Variants in GPR137B observed in about 807,000 individuals in gnomAD.
The protein encoded by GPR137B is G protein-coupled receptor 137B, also known as integral membrane protein GPR137B.
Under a neutral mutation model 42.5 loss-of-function variants are expected in GPR137B, and 42 were observed. The ratio of observed to expected loss-of-function variants is 0.99; its 90% CI spans 0.77 to 1.28. The LOEUF (loss-of-function observed/expected upper bound fraction) is 1.28, where lower values mean the gene tolerates loss of function less well. Ranked by LOEUF, GPR137B falls within the 50% of genes most tolerant of loss-of-function variation. GPR137B has a pLI of 0.00. For missense variants in GPR137B, 487 were observed against 493.9 expected (o/e 0.99, Z 0.13); for synonymous variants, 218 against 209.7 (o/e 1.04, Z -0.34).
At position 236,143,035 on chromosome 1, in the gene GPR137B, A is replaced by G; in HGVS notation, c.413A>G (p.Gln138Arg). Residue 138 changes from glutamine (Q) to arginine (R), a missense_variant and splice_region_variant, in exon 1 of 7, where the codon CAG becomes CGG. Physicochemically the swap from Gln to Arg is conservative, Grantham distance 43. Coordinates refer to ENST00000366592, the MANE Select transcript of GPR137B (RefSeq NM_003272.4). ...ACGCTGATGAACTTGTACTTCACGC[A>G]GGTGAGTTTCAGAGAGGCTCCTGGA... ...TLTLMNLYFT[Q>R]VIFKAKSKYS... is the part of the protein sequence containing the mutation. The G allele has an allele frequency of 6.2e-7, 1 of 1,608,334 alleles. No homozygotes were observed. The highest frequency in any genetic ancestry group is 8.5e-7 in the Non-Finnish European group (1 of 1,177,338).
intron 2 of GPR137B, among the ~76,000 whole-genome samples, chr1:236,173,665 T>G (rs929818476): frequency 6.6e-6 from 1 of 152,116 alleles, no homozygotes; most frequent in Non-Finnish European, 1.5e-5. Flanking sequence ...TTTTATTTCT[T>G]TGGGTCATTT....
rs139249553 is a variant in GPR137B, at chr1:236,155,984, C to T, written c.415-12722C>T. Reference sequence around the variant, plus strand: ...ACGCACACACATGCACACACACGCGCGCGCGCAAACACACATGCATACACC... The same window carrying T: ...ACGCACACACATGCACACACACGCGTGCGCGCAAACACACATGCATACACC... On this transcript the variant is annotated intron_variant, in intron 1 of 6. Transcript: ENST00000366592. This position sits in a 1 kb window ranked among gnomAD's most constrained non-coding sequence, Gnocchi z 4.6. Among the ~76,000 whole-genome samples, 316 of 152,260 alleles carry T rather than the reference C, an allele frequency of 2.1e-3. 2 individuals carry two copies. The highest frequency in any genetic ancestry group is 7.1e-3 in the African/African-American group (294 of 41,550).
chr1:236,155,705 G>A lies in GPR137B; in HGVS notation c.414+12669G>A, dbSNP rs996545056. On this transcript the variant is annotated intron_variant, in intron 1 of 6. Coordinates refer to ENST00000366592, the MANE Select transcript of GPR137B (RefSeq NM_003272.4). The surrounding 1 kb of genome is among the most constrained non-coding windows in gnomAD (Gnocchi z 4.6). ...TCAGGGAGGCTCTCGTGAGCCGATG[G>A]AGGGGTGGAGGAGGGGAGAGGTGCT... Among the ~76,000 whole-genome samples, 13 of 152,226 alleles carry A rather than the reference G, an allele frequency of 8.5e-5. No homozygotes were observed. The highest frequency in any genetic ancestry group is 3.1e-4 in the African/African-American group (13 of 41,476).
chr1:236,194,481 A>G (rs976204731), intron 5 of GPR137B, among the ~76,000 whole-genome samples: 7 of 152,180 alleles, frequency 4.6e-5, no homozygotes, highest in Admixed American at 1.3e-4. Context: ...TTTGGCTGCA[A>G]TTAGTCTTAG....
intron 1 of GPR137B, among the ~76,000 whole-genome samples, chr1:236,157,370 C>G (rs1662062365): frequency 6.6e-6 from 1 of 152,126 alleles, no homozygotes; most frequent in African/African-American, 2.4e-5. Flanking sequence ...ACTACAGGCG[C>G]CCGCCACCAC....
At chr1:236,143,976 G>C (rs1361096106) in intron 1 of GPR137B, among the ~76,000 whole-genome samples, 1 of 152,150 alleles carries the variant, frequency 6.6e-6, no homozygotes, top group Non-Finnish European at 1.5e-5. Flanking sequence ...TTTTCACTAG[G>C]ACTCTGCCGA....
intron 1 of GPR137B, among the ~76,000 whole-genome samples, chr1:236,146,460 G>A (rs980290054): frequency 4.6e-5 from 7 of 152,114 alleles, no homozygotes; most frequent in Non-Finnish European, 7.3e-5. Flanking sequence ...TCCGAGATGG[G>A]GAGGAAGCTT....
At chr1:236,162,630 G>C (rs1458146720) in intron 1 of GPR137B, among the ~76,000 whole-genome samples, 1 of 152,238 alleles carries the variant, frequency 6.6e-6, no homozygotes, top group Admixed American at 6.5e-5. Flanking sequence ...AGCTGCTCCA[G>C]CCATGGCTGA....
intron 1 of GPR137B, among the ~76,000 whole-genome samples, chr1:236,146,694 G>A (rs1661691943): frequency 1.3e-5 from 2 of 152,194 alleles, no homozygotes; most frequent in South Asian, 2.1e-4. Context: ...AGGGTAATGC[G>A]ATCATGAGCA....
chr1:236,168,732 T>C lies in GPR137B; in HGVS notation c.441T>C (p.Tyr147=). ...TQVIFKAKSK[Y]SPELLKYRLP... ...TGATTTTCAAAGCCAAGTCAAAATATTCTCCAGAATTACTCAAATACCGGT... is the reference window on the plus strand; with the variant it reads ...TGATTTTCAAAGCCAAGTCAAAATACTCTCCAGAATTACTCAAATACCGGT... Residue 147 remains tyrosine, a synonymous_variant, in exon 2 of 7, where the codon TAT becomes TAC. Transcript: ENST00000366592. 3.1e-6 allele frequency: 5 copies of C among 1,612,116 alleles called. No individual in the cohort carries two copies. Among genetic ancestry groups the C allele is most frequent in the Non-Finnish European group, 3.4e-6 (4 of 1,178,142 alleles).
At chr1:236,149,610 A>G (rs1382654503) in intron 1 of GPR137B, among the ~76,000 whole-genome samples, 1 of 152,138 alleles carries the variant, frequency 6.6e-6, no homozygotes, top group East Asian at 1.9e-4. Flanking sequence ...TTTATCAAAT[A>G]CCTGTCGTGT....
At chr1:236,175,525 A>G (rs765114079) in intron 2 of GPR137B, among the ~76,000 whole-genome samples, 23 of 152,172 alleles carry the variant, frequency 1.5e-4, no homozygotes, top group Admixed American at 7.2e-4. Flanking sequence ...GTTTCCATCT[A>G]GCGCTCTTCA....
chr1:236,154,573 G>A (rs890608557), intron 1 of GPR137B, among the ~76,000 whole-genome samples: 2 of 151,338 alleles, frequency 1.3e-5, no homozygotes, highest in African/African-American at 4.9e-5. Context: ...GCTTCCCCTC[G>A]AGGAGGCCAG....
rs1037995793 is a variant in GPR137B, at chr1:236,178,334, C to A, written c.465-80C>A. ...TCACCTTTGGTGTGTCTGCTTCTAG[C>A]AGTTCACCAAAACACATCTCAGTGT... On this transcript the variant is annotated intron_variant, in intron 2 of 6. Transcript: ENST00000366592. 4.9e-6 allele frequency: 4 copies of A among 810,672 alleles called. No individual in the cohort carries two copies. In the East Asian group the frequency reaches 7.3e-5, roughly 15 times the overall value. The allele number at this position is 810,672 out of a possible 1,614,324, so 50.2% of individuals were successfully genotyped here. A position where few individuals can be genotyped will look rare whatever the true frequency, so the allele number is the denominator to read the frequency against.
At chr1:236,200,366 G>A (rs940906977) in intron 5 of GPR137B, among the ~76,000 whole-genome samples, 24 of 152,092 alleles carry the variant, frequency 1.6e-4, no homozygotes, top group African/African-American at 3.4e-4. Flanking sequence ...TGTTAAGTCC[G>A]TTTGTTCTAG....
At chr1:236,146,774 C>T (rs759446127) in intron 1 of GPR137B, among the ~76,000 whole-genome samples, 2 of 152,194 alleles carry the variant, frequency 1.3e-5, no homozygotes, top group Non-Finnish European at 2.9e-5. Context: ...TCTTTCCACC[C>T]CTAATGACCT....
intron 5 of GPR137B, among the ~76,000 whole-genome samples, chr1:236,189,703 G>C (rs1663134118): frequency 1.3e-5 from 2 of 152,010 alleles, no homozygotes; most frequent in South Asian, 4.1e-4. Flanking sequence ...CTGTTCTTTT[G>C]CATTTGCTGA....
intron 6 of GPR137B, 92 bp downstream of exon 6, chr1:236,205,342 A>G: frequency 9.2e-7 from 1 of 1,086,806 alleles, no homozygotes; most frequent in East Asian, 2.4e-5. Context: ...TTCCTACGTT[A>G]AAACTGTGCA....
intron 2 of GPR137B, among the ~76,000 whole-genome samples, chr1:236,169,900 C>T (rs970924656): frequency 1.3e-4 from 19 of 151,808 alleles, no homozygotes; most frequent in African/African-American, 2.7e-4. Context: ...ATTAGCCGGG[C>T]GAGGTAGCGC....
Sources: gnomAD v4.1 joint callset for allele counts (sites outside exome capture counted in the v4.1 genomes callset) on GRCh38, gnomAD v4.1.1 for gene constraint, Gnocchi (gnomAD v3.1) non-coding constraint, MANE v1.5 for transcripts, NCBI Gene and HGNC (gene_info 2026-07-23, HGNC 2026-07-21) for gene names.